Variants in USP34 observed in about 807,000 individuals in gnomAD.
USP34 encodes the protein ubiquitin carboxyl-terminal hydrolase 34.
Under a neutral mutation model 460.3 loss-of-function variants are expected in USP34, and 70 were observed. That is an observed-to-expected ratio of 0.15 (90% CI 0.13 to 0.19). The LOEUF is 0.19. Among genes scored for constraint, USP34 ranks in the 10% least tolerant of loss-of-function variants. The probability of loss-of-function intolerance (pLI) is 1.00; values close to 1 mark genes in which losing one functional copy is unlikely to be tolerated. For synonymous variants in USP34, 1,647 were observed against 1,405.3 expected (o/e 1.17, Z -3.85); for missense variants, 3,985 against 4,236.2 (o/e 0.94, Z 1.65).
chr2:61,413,668 A>AAAAAAAT (rs1341808959), intron 2 of USP34, among the ~76,000 whole-genome samples: 5 of 136,724 alleles, frequency 3.7e-5, no homozygotes, highest in Admixed American at 7.7e-5. Flanking sequence ...CAAAAAAATT[A>AAAAAAAT]AAAAAATAAA....
chr2:61,291,596 A>G (rs1689854096), intron 33 of USP34, among the ~76,000 whole-genome samples: 1 of 152,332 alleles, frequency 6.6e-6, no homozygotes, highest in East Asian at 1.9e-4. Flanking sequence ...GTGTGTGCAT[A>G]TATATGTGTA....
intron 43 of USP34, among the ~76,000 whole-genome samples, chr2:61,261,208 A>G (rs1202307724): frequency 6.6e-6 from 1 of 152,252 alleles, no homozygotes; most frequent in African/African-American, 2.4e-5. Context: ...TTGTACACCC[A>G]TGTCCGTAAC....
intron 39 of USP34, among the ~76,000 whole-genome samples, chr2:61,279,607 A>C (rs1057099238): frequency 6.6e-6 from 1 of 152,148 alleles, no homozygotes; most frequent in Non-Finnish European, 1.5e-5. Context: ...CTAGGACTAC[A>C]GGCACCTGTG....
intron 10 of USP34, among the ~76,000 whole-genome samples, chr2:61,361,639 CCA>C (rs886127983): frequency 1.1e-4 from 16 of 152,214 alleles, no homozygotes; most frequent in African/African-American, 3.4e-4. Flanking sequence ...TTATCTTATA[CCA>C]CACACAAAAA....
In USP34 at chr2:61,361,335, T is replaced by TCA. The variant is rs570660427; in HGVS notation, c.1251+8984_1251+8985dup. Among the ~76,000 whole-genome samples the TCA allele has an allele frequency of 4.3e-4, 66 of 152,298 alleles. No homozygotes were observed. In the South Asian group the frequency reaches 8.9e-3, roughly 21 times the overall value. On this transcript the variant is annotated intron_variant, in intron 10 of 79. Transcript: ENST00000398571. Reference sequence around the variant, plus strand: ...ATTTTGAAAGGCTGAGGCAGGAAGATCACCTCAGTGCAGGAAGTCGAGGCT... The same window carrying TCA: ...ATTTTGAAAGGCTGAGGCAGGAAGATCACACCTCAGTGCAGGAAGTCGAGGCT...
At chr2:61,415,896 T>A (rs1054155273) in intron 2 of USP34, among the ~76,000 whole-genome samples, 1 of 152,228 alleles carries the variant, frequency 6.6e-6, no homozygotes, top group East Asian at 1.9e-4. Context: ...TAAAAATTTC[T>A]AAATGCCTCA....
At chr2:61,398,385 T>G (rs1168229921) in intron 3 of USP34, among the ~76,000 whole-genome samples, 1 of 118,220 alleles carries the variant, frequency 8.5e-6, no homozygotes, top group African/African-American at 3.3e-5. Flanking sequence ...AGGAGAGAGA[T>G]GGGGGAGGAC....
chr2:61,425,347 C>A (rs947494757), intron 1 of USP34, among the ~76,000 whole-genome samples: 4 of 152,088 alleles, frequency 2.6e-5, no homozygotes, highest in African/African-American at 9.7e-5. Context: ...CTGCGTATCA[C>A]TGAAGGGAGA....
Position 61,323,514 on chromosome 2 carries a change from C to CAA in USP34, c.3013+1859_3013+1860dup, listed in dbSNP as rs10713213. 2.6e-3 allele frequency among the ~76,000 whole-genome samples: 263 copies of CAA among 101,286 alleles called. 2 individuals are homozygous for CAA. Among genetic ancestry groups the CAA allele is most frequent in the South Asian group, 0.025 (79 of 3,138 alleles). 66.4% of individuals were successfully genotyped at this position (101,286 alleles called of 152,430 possible). A position where few individuals can be genotyped will look rare whatever the true frequency, so the allele number is the denominator to read the frequency against. The stretch of plus-strand genomic sequence containing the variant: ...TGGGCAACAGAGCAAGACTCCGCCT[C>CAA]AAAAAAAAAAAAAAAAAAAATAGCC... On this transcript the variant is annotated intron_variant, in intron 21 of 79. Transcript: ENST00000398571.
At chr2:61,443,798 T>C (rs1386369188) in intron 1 of USP34, among the ~76,000 whole-genome samples, 1 of 152,210 alleles carries the variant, frequency 6.6e-6, no homozygotes, top group African/African-American at 2.4e-5. Context: ...TAATGTGGAC[T>C]ATGGACTTTG....
intron 23 of USP34, among the ~76,000 whole-genome samples, chr2:61,315,310 A>G (rs965375032): frequency 6.6e-6 from 1 of 152,204 alleles, no homozygotes; most frequent in Admixed American, 6.5e-5. Context: ...CTAAACTGAG[A>G]AAACCACTGC....
At chr2:61,228,260 TTAA>T (rs1162506628) in intron 61 of USP34, among the ~76,000 whole-genome samples, 2 of 152,354 alleles carry the variant, frequency 1.3e-5, no homozygotes, top group East Asian at 1.9e-4. Context: ...ATGTAATACT[TTAA>T]TATTATTCAT....
intron 41 of USP34, among the ~76,000 whole-genome samples, chr2:61,269,054 A>G (rs1414855069): frequency 6.6e-6 from 1 of 152,206 alleles, no homozygotes; most frequent in Non-Finnish European, 1.5e-5. Flanking sequence ...TGATAGGCAA[A>G]TAATAAAAGA....
At chr2:61,310,469 G>A (rs1430990792) in intron 27 of USP34, among the ~76,000 whole-genome samples, 1 of 151,774 alleles carries the variant, frequency 6.6e-6, no homozygotes, top group Non-Finnish European at 1.5e-5. Flanking sequence ...ATAATGATAT[G>A]CCCTACAAGC....
At chr2:61,330,949 A>G (rs566544598) in intron 20 of USP34, among the ~76,000 whole-genome samples, 2 of 152,176 alleles carry the variant, frequency 1.3e-5, no homozygotes, top group Non-Finnish European at 1.5e-5. Context: ...TCAATGCTCT[A>G]AACTGTTAAA....
At chr2:61,339,254 G>C in intron 18 of USP34, 97 bp downstream of exon 18, 1 of 1,220,016 alleles carries the variant, frequency 8.2e-7, no homozygotes, top group Non-Finnish European at 1.1e-6. Context: ...ACAGGTATAT[G>C]AAACAGTATA....
chr2:61,278,307 C>A (rs1384111410), intron 40 of USP34, 22 bp from the exon 41 acceptor site: 1 of 1,611,602 alleles, frequency 6.2e-7, no homozygotes, highest in Non-Finnish European at 8.5e-7. Context: ...AAAAAAAATA[C>A]ACACAAGCAA....
chr2:61,460,944 T>C (rs900519355), intron 1 of USP34, among the ~76,000 whole-genome samples: 2 of 142,360 alleles, frequency 1.4e-5, no homozygotes, highest in Non-Finnish European at 3.0e-5. Context: ...ATCGCGCCAC[T>C]GCACTCCACC....
intron 43 of USP34, among the ~76,000 whole-genome samples, chr2:61,260,168 C>G (rs1488613559): frequency 6.6e-6 from 1 of 152,154 alleles, no homozygotes; most frequent in Non-Finnish European, 1.5e-5. Context: ...GACATCTCAT[C>G]ATCATTTATT....
Sources: gnomAD v4.1 joint callset for allele counts (sites outside exome capture counted in the v4.1 genomes callset) on GRCh38, gnomAD v4.1.1 for gene constraint, MANE v1.5 for transcripts, NCBI Gene and HGNC (gene_info 2026-07-23, HGNC 2026-07-21) for gene names.